Variants in WWOX observed in about 807,000 individuals in gnomAD.
WWOX encodes WW domain containing oxidoreductase, also known as WW domain-containing oxidoreductase.
WWOX carries 69 observed loss-of-function variants against 46.2 expected under a neutral mutation model. That is an observed-to-expected ratio of 1.49 (90% confidence interval 1.23 to 1.82). The LOEUF is 1.82. WWOX is among the 40% of genes most tolerant of loss of function. The pLI, the probability that WWOX is intolerant of heterozygous loss-of-function variation, is 0.00. For synonymous variants in WWOX, 359 were observed against 202.6 expected (o/e 1.77, Z -6.56); for missense variants, 919 against 542.6 (o/e 1.69, Z -6.89).
intron 8 of WWOX, among the ~76,000 whole-genome samples, chr16:78,859,300 T>C (rs1034711770): frequency 1.3e-5 from 2 of 151,462 alleles, no homozygotes; most frequent in South Asian, 4.2e-4. Flanking sequence ...AATTGATTTT[T>C]CCCCCCTGCT....
chr16:78,860,504 A>G (rs1417961852), intron 8 of WWOX, among the ~76,000 whole-genome samples: 1 of 140,342 alleles, frequency 7.1e-6, no homozygotes, highest in African/African-American at 2.5e-5. Context: ...AAGAAAAAAG[A>G]AGGAAAAAAT....
intron 8 of WWOX, among the ~76,000 whole-genome samples, chr16:78,671,954 G>A (rs971747547): frequency 6.6e-6 from 1 of 152,092 alleles, no homozygotes; most frequent in Admixed American, 6.5e-5. Context: ...CTTCAACTGG[G>A]TAGTGGAAAA....
At chr16:79,011,171 AC>A (rs2047299306) in intron 8 of WWOX, among the ~76,000 whole-genome samples, 1 of 147,752 alleles carries the variant, frequency 6.8e-6, no homozygotes, top group Non-Finnish European at 1.5e-5. Context: ...ACACACACAC[AC>A]ACTTTTTTGG....
intron 8 of WWOX, among the ~76,000 whole-genome samples, chr16:78,674,003 C>T (rs72796619): frequency 0.03 from 4,549 of 152,022 alleles, 95 homozygotes; most frequent in Non-Finnish European, 0.047. Context: ...CTAAAACCTG[C>T]AAGAGACCGC....
intron 8 of WWOX, among the ~76,000 whole-genome samples, chr16:78,597,856 A>T (rs971441037): frequency 6.6e-6 from 1 of 151,046 alleles, no homozygotes; most frequent in Admixed American, 6.6e-5. Flanking sequence ...AGAAATTTCT[A>T]GTTGTGTTTA....
chr16:78,505,016 A>T (rs2085159112), intron 8 of WWOX, among the ~76,000 whole-genome samples: 1 of 152,170 alleles, frequency 6.6e-6, no homozygotes, highest in South Asian at 2.1e-4. Flanking sequence ...GAAAGGAGAT[A>T]AATGGTGTAT....
At chr16:78,120,486 C>T (rs982033199) in intron 4 of WWOX, among the ~76,000 whole-genome samples, 12 of 151,602 alleles carry the variant, frequency 7.9e-5, no homozygotes, top group South Asian at 4.1e-4. Context: ...AGGAGAATGG[C>T]GTGAACCCGG....
intron 5 of WWOX, among the ~76,000 whole-genome samples, chr16:78,288,037 CTTTAA>C (rs1555513717): frequency 6.6e-6 from 1 of 152,044 alleles, no homozygotes; most frequent in Non-Finnish European, 1.5e-5. Context: ...ACATTTTTTT[CTTTAA>C]TTTAGCCATT....
intron 8 of WWOX, among the ~76,000 whole-genome samples, chr16:78,696,796 C>G (rs1001477451): frequency 2.0e-5 from 3 of 152,080 alleles, no homozygotes; most frequent in Non-Finnish European, 2.9e-5. Context: ...AGTTTGTACT[C>G]CTTTATGCCT....
chr16:78,949,733 G>A (rs909916407), intron 8 of WWOX, among the ~76,000 whole-genome samples: 9 of 152,130 alleles, frequency 5.9e-5, no homozygotes, highest in East Asian at 1.9e-4. Flanking sequence ...TCTACCTTGC[G>A]GGGCAAACAC....
At chr16:78,810,780 G>C (rs1003234381) in intron 8 of WWOX, among the ~76,000 whole-genome samples, 1 of 152,084 alleles carries the variant, frequency 6.6e-6, no homozygotes, top group Non-Finnish European at 1.5e-5. Context: ...TCTTTTTGGA[G>C]ACAAATCATC....
At chr16:79,203,245 C>G (rs1358049040) in intron 8 of WWOX, 2 of 152,164 alleles carry the variant, frequency 1.3e-5, no homozygotes, top group African/African-American at 4.8e-5. Flanking sequence ...ACACTCTCCA[C>G]AGTATGTTCT....
chr16:79,162,164 T>A (rs900791293), intron 8 of WWOX, among the ~76,000 whole-genome samples: 2 of 152,208 alleles, frequency 1.3e-5, no homozygotes, highest in African/African-American at 2.4e-5. Context: ...ACAAGTGTTT[T>A]CTTGGCCCAA....
intron 5 of WWOX, among the ~76,000 whole-genome samples, chr16:78,273,243 C>T (rs903104400): frequency 1.3e-5 from 2 of 152,198 alleles, no homozygotes; most frequent in African/African-American, 4.8e-5. Flanking sequence ...AACTTCCTAG[C>T]CTCCACCTGT....
At chr16:78,486,687 C>A (rs2151455411) in intron 8 of WWOX, among the ~76,000 whole-genome samples, 1 of 152,294 alleles carries the variant, frequency 6.6e-6, no homozygotes, top group East Asian at 1.9e-4. Flanking sequence ...GAATTCTCTG[C>A]CTTAGCCTCC....
At chr16:78,690,615 G>C (rs1487943386) in intron 8 of WWOX, among the ~76,000 whole-genome samples, 1 of 152,084 alleles carries the variant, frequency 6.6e-6, no homozygotes, top group Non-Finnish European at 1.5e-5. Flanking sequence ...GGTGGAAATA[G>C]GGCACACACA....
chr16:79,034,126 C>G (rs1020211263), intron 8 of WWOX, among the ~76,000 whole-genome samples: 2 of 152,170 alleles, frequency 1.3e-5, no homozygotes, highest in South Asian at 2.1e-4. Context: ...TTATTATGCA[C>G]TCTTGACATT....
chr16:78,130,805 C>T (rs2033560504), intron 4 of WWOX, among the ~76,000 whole-genome samples: 1 of 152,216 alleles, frequency 6.6e-6, no homozygotes, highest in South Asian at 2.1e-4. Context: ...CAGGCAGGGT[C>T]CCTGCCCTTG....
intron 8 of WWOX, among the ~76,000 whole-genome samples, chr16:78,579,957 G>A (rs1442485493): frequency 6.6e-6 from 1 of 152,154 alleles, no homozygotes; most frequent in Non-Finnish European, 1.5e-5. Flanking sequence ...TGGCTGTGAG[G>A]GAGTCTTCTG....
Sources: gnomAD v4.1 joint callset for allele counts (sites outside exome capture counted in the v4.1 genomes callset) on GRCh38, gnomAD v4.1.1 for gene constraint, MANE v1.5 for transcripts, NCBI Gene and HGNC (gene_info 2026-07-23, HGNC 2026-07-21) for gene names.